Variants in AGAP1 observed in about 807,000 individuals in gnomAD.
The protein encoded by AGAP1 is ArfGAP with GTPase domain, ankyrin repeat and PH domain 1.
A neutral mutation model predicts 105.3 loss-of-function variants in AGAP1; 29 were observed. The ratio of observed to expected loss-of-function variants is 0.28; its 90% CI spans 0.21 to 0.38. The LOEUF (loss-of-function observed/expected upper bound fraction) is 0.38. AGAP1 is among the 10% of genes least tolerant of loss of function. The pLI is 1.00. For synonymous variants in AGAP1, 509 were observed against 485.9 expected, an observed-to-expected ratio of 1.05 and a Z score of -0.63; for missense variants, 998 against 1,165.1, an observed-to-expected ratio of 0.86 and a Z score of 2.09.
In AGAP1 at chr2:235,701,161, TTTTATATA is replaced by T. The variant is rs1241763108; in HGVS notation, c.164-8008_164-8001del. On this transcript the variant is annotated intron_variant, in intron 1 of 17. Coordinates refer to ENST00000304032, the MANE Select transcript of AGAP1 (RefSeq NM_001037131.3). This position sits in a 1 kb window ranked among gnomAD's most constrained non-coding sequence, Gnocchi z 4.1. The stretch of plus-strand genomic sequence containing the variant: ...TATGATATGCTCTATTTAGTGTATA[TTTTATATA>T]TTTATATATATGGGGGGGTGGAAAT... Among the ~76,000 whole-genome samples, 1 of 149,944 alleles carries T rather than the reference TTTTATATA, an allele frequency of 6.7e-6. No homozygotes were observed. The highest frequency in any genetic ancestry group is 2.4e-5 in the African/African-American group (1 of 40,972).
chr2:235,699,113 A>C (rs912383963), intron 1 of AGAP1, among the ~76,000 whole-genome samples: 1 of 137,370 alleles, frequency 7.3e-6, no homozygotes, highest in Non-Finnish European at 1.6e-5. Context: ...AGGGACGGGG[A>C]GGCAGGAGGG....
rs1277685578 is a variant in AGAP1 at position 235,662,404 on chromosome 2, C to T, written c.164-46775C>T. Among the ~76,000 whole-genome samples the T allele has an allele frequency of 6.6e-6, 1 of 152,086 alleles. No homozygotes were observed. The highest frequency in any genetic ancestry group is 1.5e-5 in the Non-Finnish European group (1 of 68,010). ...CAGCCACACTCCTAGGGACAGAGTG[C>T]GTCCATGGAGGGGAGGACTCACAGC... On this transcript the variant is annotated intron_variant, in intron 1 of 17. Coordinates refer to ENST00000304032, the MANE Select transcript of AGAP1 (RefSeq NM_001037131.3). This position sits in a 1 kb window ranked among gnomAD's most constrained non-coding sequence, Gnocchi z 4.2.
rs552580183 is a variant in AGAP1, at chr2:235,635,862, C to A, written c.164-73317C>A. Among the ~76,000 whole-genome samples the A allele has an allele frequency of 3.3e-5, 5 of 152,200 alleles. No individual in the cohort carries two copies. The highest frequency in any genetic ancestry group is 7.4e-5 in the Non-Finnish European group (5 of 68,018). On this transcript the variant is annotated intron_variant, in intron 1 of 17. Coordinates refer to ENST00000304032, the MANE Select transcript of AGAP1 (RefSeq NM_001037131.3). This position sits in a 1 kb window ranked among gnomAD's most constrained non-coding sequence, Gnocchi z 5.3. ...GGGCACAGTGACTCATGCCTGTAAT[C>A]CCAGCACTTTGGGAGGCTGAGGCAG...
chr2:235,652,347 C>T (rs533895169), intron 1 of AGAP1, among the ~76,000 whole-genome samples: 2 of 152,226 alleles, frequency 1.3e-5, no homozygotes, highest in South Asian at 4.2e-4. Context: ...CCCTACCCCC[C>T]AGGCCACTGT....
chr2:236,050,692 C>A lies in AGAP1; in HGVS notation c.2114+1411C>A, dbSNP rs192753984. Among the ~76,000 whole-genome samples, 25 of 152,144 alleles carry A rather than the reference C, an allele frequency of 1.6e-4. No homozygotes were observed. Among genetic ancestry groups the A allele is most frequent in the African/African-American group, 6.0e-4 (25 of 41,504 alleles). On this transcript the variant is annotated intron_variant, in intron 16 of 17. Coordinates refer to ENST00000304032, the MANE Select transcript of AGAP1 (RefSeq NM_001037131.3). This position sits in a 1 kb window ranked among gnomAD's most constrained non-coding sequence, Gnocchi z 4.0. ...TTAGATTGAGCTTAATATATGAATG[C>A]AGAAAACATTGAAATAAGCTGGAAA... is the stretch of plus-strand genomic sequence containing the variant.
At position 235,599,896 on chromosome 2, in the gene AGAP1, G is replaced by C. The variant is rs1945672653; in HGVS notation, c.163+105047G>C. Among the ~76,000 whole-genome samples, 1 of 152,216 alleles carries C rather than the reference G, an allele frequency of 6.6e-6. No homozygotes were observed. Among genetic ancestry groups the C allele is most frequent in the South Asian group, 2.1e-4 (1 of 4,836 alleles). On this transcript the variant is annotated intron_variant, in intron 1 of 17. Coordinates refer to ENST00000304032, the MANE Select transcript of AGAP1 (RefSeq NM_001037131.3). The surrounding 1 kb of genome is among the most constrained non-coding windows in gnomAD (Gnocchi z 5.3). ...CACGACGTGGAGCCCTGAAGGATGA[G>C]GAAAATAATTTCTGAGAAACTGACT...
At chr2:235,503,291 A>T (rs1211076121) in intron 1 of AGAP1, among the ~76,000 whole-genome samples, 4 of 152,158 alleles carry the variant, frequency 2.6e-5, no homozygotes, top group South Asian at 2.1e-4. Flanking sequence ...TTTTCCAGGG[A>T]GGGCGTTTCC....
Position 236,002,308 on chromosome 2 carries a change from G to T in AGAP1, c.1645+33685G>T, listed in dbSNP as rs144795516. Among the ~76,000 whole-genome samples the T allele has an allele frequency of 6.6e-6, 1 of 152,156 alleles. No individual in the cohort carries two copies. Among genetic ancestry groups the T allele is most frequent in the Non-Finnish European group, 1.5e-5 (1 of 68,028 alleles). The stretch of plus-strand genomic sequence containing the variant: ...CTCCTGGTCCCGTCCTGGAACAGCC[G>T]GTGACTCAAAGCTCAAATATCATCC... On this transcript the variant is annotated intron_variant, in intron 13 of 17. Transcript: ENST00000304032. This position sits in a 1 kb window ranked among gnomAD's most constrained non-coding sequence, Gnocchi z 4.3.
chr2:235,854,201 A>T lies in AGAP1; in HGVS notation c.1051-29144A>T, dbSNP rs77050560. ...GGTCACCTCCAGCAAACCCAATTTG[A>T]AAACCGGTGATCAAGTGTTGACAAC... On this transcript the variant is annotated intron_variant, in intron 9 of 17. Transcript: ENST00000304032. Among the ~76,000 whole-genome samples the T allele has an allele frequency of 5.3e-5, 8 of 152,246 alleles. No individual in the cohort carries two copies. In the East Asian group the frequency reaches 1.6e-3, roughly 30 times the overall value.
intron 1 of AGAP1, among the ~76,000 whole-genome samples, chr2:235,656,323 G>A (rs1012735157): frequency 1.3e-5 from 2 of 152,178 alleles, no homozygotes; most frequent in African/African-American, 4.8e-5. Flanking sequence ...TAACACTTGG[G>A]TTTACATGAA....
At position 236,080,606 on chromosome 2, in the gene AGAP1, A is replaced by G. The variant is rs971161140; in HGVS notation, c.2114+31325A>G. ...TCAATCCTTCTCTTCCTAATAGGGT[A>G]GGTATAAGATTCCCATTGCTGCTGT... is the stretch of plus-strand genomic sequence containing the variant. On this transcript the variant is annotated intron_variant, in intron 16 of 17. Transcript: ENST00000304032. This position sits in a 1 kb window ranked among gnomAD's most constrained non-coding sequence, Gnocchi z 4.2. 6.6e-6 allele frequency among the ~76,000 whole-genome samples: 1 copy of G among 152,238 alleles called. No individual in the cohort carries two copies. Among genetic ancestry groups the G allele is most frequent in the African/African-American group, 2.4e-5 (1 of 41,460 alleles).
At chr2:235,695,895 C>T (rs1949975319) in intron 1 of AGAP1, among the ~76,000 whole-genome samples, 1 of 152,148 alleles carries the variant, frequency 6.6e-6, no homozygotes, top group South Asian at 2.1e-4. Flanking sequence ...ACCAACCCCT[C>T]TGTGATGTAG....
chr2:235,960,960 AAAGTGGTCCG>A lies in AGAP1; in HGVS notation c.1484-7501_1484-7492del, dbSNP rs1182819297. Among the ~76,000 whole-genome samples the A allele has an allele frequency of 6.6e-6, 1 of 152,218 alleles. No homozygotes were observed. Among genetic ancestry groups the A allele is most frequent in the African/African-American group, 2.4e-5 (1 of 41,470 alleles). On this transcript the variant is annotated intron_variant, in intron 12 of 17. Transcript: ENST00000304032. This position sits in a 1 kb window ranked among gnomAD's most constrained non-coding sequence, Gnocchi z 4.9. ...GATACACTGCTGTGTGATACACCAG[AAAGTGGTCCG>A]TTCCATCCACCCGCGCAAGTGTCTG... is the stretch of plus-strand genomic sequence containing the variant.
chr2:235,548,483 G>A (rs1202394743), intron 1 of AGAP1, among the ~76,000 whole-genome samples: 8 of 152,144 alleles, frequency 5.3e-5, no homozygotes, highest in African/African-American at 1.9e-4. Flanking sequence ...GTGAAACCCC[G>A]TCTCTACTAA....
At chr2:235,567,223 G>A (rs797013179) in intron 1 of AGAP1, among the ~76,000 whole-genome samples, 3 of 152,260 alleles carry the variant, frequency 2.0e-5, no homozygotes, top group South Asian at 4.1e-4. Context: ...CGGGTCGGAT[G>A]TCTTTGCCTC....
At position 235,639,066 on chromosome 2, in the gene AGAP1, C is replaced by G. The variant is rs1320935470; in HGVS notation, c.164-70113C>G. ...GGTGGAGAGAAGGGGACAAAAGAGT[C>G]TTAGAGCCATTTGAGAGGGAGCTTC... On this transcript the variant is annotated intron_variant, in intron 1 of 17. Transcript: ENST00000304032. The surrounding 1 kb of genome is among the most constrained non-coding windows in gnomAD (Gnocchi z 5.3). Among the ~76,000 whole-genome samples, 2 of 152,068 alleles carry G rather than the reference C, an allele frequency of 1.3e-5. No individual in the cohort carries two copies. The highest frequency in any genetic ancestry group is 4.8e-5 in the African/African-American group (2 of 41,388).
Position 235,631,366 on chromosome 2 carries a change from C to T in AGAP1, c.164-77813C>T, listed in dbSNP as rs368895265. Among the ~76,000 whole-genome samples the T allele has an allele frequency of 6.6e-6, 1 of 152,182 alleles. No homozygotes were observed. Among genetic ancestry groups the T allele is most frequent in the Non-Finnish European group, 1.5e-5 (1 of 68,046 alleles). On this transcript the variant is annotated intron_variant, in intron 1 of 17. Coordinates refer to ENST00000304032, the MANE Select transcript of AGAP1 (RefSeq NM_001037131.3). This position sits in a 1 kb window ranked among gnomAD's most constrained non-coding sequence, Gnocchi z 5.4. ...CGATGGATTAGCCAACCATGACCGG[C>T]CAGGCTGTGCGAGCTAGCCAAGGAG...
intron 1 of AGAP1, among the ~76,000 whole-genome samples, chr2:235,632,425 CCT>C (rs1465501428): frequency 1.3e-5 from 2 of 152,166 alleles, no homozygotes; most frequent in Admixed American, 6.5e-5. Flanking sequence ...CCATGGAGCC[CCT>C]GTTTCGCCAC....
rs2054309581 is a variant in AGAP1 at position 235,964,485 on chromosome 2, C to G, written c.1484-3977C>G. Among the ~76,000 whole-genome samples the G allele has an allele frequency of 6.6e-6, 1 of 151,874 alleles. No homozygotes were observed. Among genetic ancestry groups the G allele is most frequent in the Non-Finnish European group, 1.5e-5 (1 of 67,970 alleles). On this transcript the variant is annotated intron_variant, in intron 12 of 17. Transcript: ENST00000304032. This position sits in a 1 kb window ranked among gnomAD's most constrained non-coding sequence, Gnocchi z 4.6. The stretch of plus-strand genomic sequence containing the variant: ...GATGGGATGGTAAAGACTTGGGAAC[C>G]CTGGGCAGAAAATATTTAAAATGAG...
Sources: gnomAD v4.1 joint callset for allele counts (sites outside exome capture counted in the v4.1 genomes callset) on GRCh38, gnomAD v4.1.1 for gene constraint, Gnocchi (gnomAD v3.1) non-coding constraint, MANE v1.5 for transcripts, NCBI Gene and HGNC (gene_info 2026-07-23, HGNC 2026-07-21) for gene names.